SLC6A2: variants seen among roughly 807,000 people sequenced by gnomAD.
SLC6A2 encodes the protein solute carrier family 6 member 2, also known as sodium-dependent noradrenaline transporter.
A neutral mutation model predicts 71.7 loss-of-function variants in SLC6A2; 26 were observed. The observed-to-expected ratio is 0.36, with a 90% confidence interval of 0.27 to 0.50. The LOEUF (loss-of-function observed/expected upper bound fraction) is 0.50. Ranked by LOEUF, SLC6A2 falls within the 20% of genes least tolerant of loss-of-function variation. The probability of loss-of-function intolerance (pLI) is 0.96; values close to 1 mark genes in which losing one functional copy is unlikely to be tolerated. For missense variants in SLC6A2, 581 were observed against 803.9 expected (o/e 0.72, Z 3.35); for synonymous variants, 363 against 337.9 (o/e 1.07, Z -0.82).
chr16:55,666,063 C>T (rs1964741864), intron 2 of SLC6A2, among the ~76,000 whole-genome samples: 1 of 152,220 alleles, frequency 6.6e-6, no homozygotes, highest in Non-Finnish European at 1.5e-5. Context: ...TGGAGACTCC[C>T]AGGCACTGGG....
intron 13 of SLC6A2, 148 bp from the exon 14 acceptor site, chr16:55,701,715 C>T (rs1965976104): frequency 1.4e-6 from 1 of 713,620 alleles, no homozygotes. Flanking sequence ...ACAAACAAAG[C>T]TGGAGGTGTC....
At chr16:55,672,616 G>A (rs1422974535) in intron 4 of SLC6A2, among the ~76,000 whole-genome samples, 2 of 152,202 alleles carry the variant, frequency 1.3e-5, no homozygotes, top group Non-Finnish European at 2.9e-5. Context: ...GAGAAGGGAA[G>A]AGCTGGGGCT....
chr16:55,674,887 C>T (rs1359445854), intron 4 of SLC6A2, among the ~76,000 whole-genome samples: 2 of 152,178 alleles, frequency 1.3e-5, no homozygotes, highest in Non-Finnish European at 2.9e-5. Flanking sequence ...ATTGCTGGGT[C>T]GAATGGTGGT....
At chr16:55,696,468 T>C (rs1435151233) in intron 9 of SLC6A2, 131 bp downstream of exon 9, 12 of 708,298 alleles carry the variant, frequency 1.7e-5, no homozygotes, top group East Asian at 1.3e-4. Context: ...GAAGGCCCTA[T>C]TTAAATGCAG....
At chr16:55,670,958 G>GA (rs1432973279) in intron 3 of SLC6A2, among the ~76,000 whole-genome samples, 3 of 152,242 alleles carry the variant, frequency 2.0e-5, no homozygotes, top group African/African-American at 7.2e-5. Flanking sequence ...ATCTACCCTA[G>GA]AAAAAAGCTA....
intron 13 of SLC6A2, 63 bp downstream of exon 13, chr16:55,700,369 C>T (rs1965936151): frequency 1.4e-6 from 2 of 1,424,452 alleles, no homozygotes; most frequent in Non-Finnish European, 1.9e-6. Context: ...GACGGGACGA[C>T]TCTCATTCCT....
chr16:55,695,296 C>T lies in SLC6A2; in HGVS notation c.1041C>T (p.Ser347=). 1 of 1,614,168 alleles carries T rather than the reference C, an allele frequency of 6.2e-7. No homozygotes were observed. The highest frequency in any genetic ancestry group is 8.5e-7 in the Non-Finnish European group (1 of 1,180,012). ...NNCYRDALLT[S]SINCITSFVS... is the part of the protein sequence containing the mutation. ...CCCCCAGGGATGCCCTGCTGACCAG[C>T]AGCATCAACTGTATCACCAGCTTCG... is the stretch of plus-strand genomic sequence containing the variant. Residue 347 remains serine (S), a synonymous_variant, in exon 8 of 15, where the codon AGC becomes AGT. Transcript: ENST00000568943.
chr16:55,701,944 G>A lies in SLC6A2; in HGVS notation c.1830+10G>A. 6.2e-7 allele frequency: 1 copy of A among 1,607,336 alleles called. No homozygotes were observed. The highest frequency in any genetic ancestry group is 8.5e-7 in the Non-Finnish European group (1 of 1,173,750). On this transcript the variant is annotated intron_variant, in intron 14 of 14. Transcript: ENST00000568943. ...CATCAGACAGTTCCAGGTGGGTGAA[G>A]CCTAGACCCCTGGGGTGGAGATTAC...
chr16:55,685,298 T>C lies in SLC6A2; in HGVS notation c.783+17T>C. On this transcript the variant is annotated intron_variant, in intron 5 of 14. Coordinates refer to ENST00000568943, the MANE Select transcript of SLC6A2 (RefSeq NM_001172501.3). The stretch of plus-strand genomic sequence containing the variant: ...TCAGGAAAGGTAATATCTCTGTGTT[T>C]CTCTTTCACTTACTTGGGTGATCAA... 1 of 1,612,882 alleles carries C rather than the reference T, an allele frequency of 6.2e-7. No individual in the cohort carries two copies. Among genetic ancestry groups the C allele is most frequent in the Non-Finnish European group, 8.5e-7 (1 of 1,178,858 alleles).
chr16:55,682,927 C>T (rs775362638), intron 4 of SLC6A2, among the ~76,000 whole-genome samples: 7 of 152,280 alleles, frequency 4.6e-5, no homozygotes, highest in East Asian at 1.9e-4. Context: ...TCCCATGCTA[C>T]GATACAAGCC....
chr16:55,675,387 G>T, intron 4 of SLC6A2, among the ~76,000 whole-genome samples: 1 of 152,320 alleles, frequency 6.6e-6, no homozygotes, highest in Admixed American at 6.5e-5. Flanking sequence ...AAACTTTTCT[G>T]CTTAAGATCA....
intron 7 of SLC6A2, among the ~76,000 whole-genome samples, chr16:55,694,720 G>A (rs1965740811): frequency 6.6e-6 from 1 of 152,180 alleles, no homozygotes; most frequent in Non-Finnish European, 1.5e-5. Flanking sequence ...TAAGGAAATG[G>A]GGTGATCAGC....
In SLC6A2 at chr16:55,705,217, T is replaced by G. The variant is rs1175115799; in HGVS notation, c.*2871T>G. 8 of 1,535,904 alleles carry G rather than the reference T, an allele frequency of 5.2e-6. No homozygotes were observed. Among genetic ancestry groups the G allele is most frequent in the African/African-American group, 1.4e-5 (1 of 73,148 alleles). ...CCCACCTTTTAGCTTTCATTCTAGA[T>G]GAAAACGAGACAAGGGAGAAGGAGA... is the stretch of plus-strand genomic sequence containing the variant. On this transcript the variant is annotated 3_prime_UTR_variant, in exon 15 of 15. Transcript: ENST00000568943.
At chr16:55,681,343 G>C (rs1388027330) in intron 4 of SLC6A2, among the ~76,000 whole-genome samples, 1 of 152,194 alleles carries the variant, frequency 6.6e-6, no homozygotes, top group African/African-American at 2.4e-5. Flanking sequence ...GCCATCACCT[G>C]CTTCTCCACA....
At chr16:55,683,331 G>A (rs895799878) in intron 4 of SLC6A2, among the ~76,000 whole-genome samples, 1 of 152,140 alleles carries the variant, frequency 6.6e-6, no homozygotes, top group African/African-American at 2.4e-5. Flanking sequence ...AAAAAACCAG[G>A]CCTGGCGCAG....
At chr16:55,700,562 T>C (rs1195682718) in intron 13 of SLC6A2, among the ~76,000 whole-genome samples, 1 of 152,160 alleles carries the variant, frequency 6.6e-6, no homozygotes, top group East Asian at 1.9e-4. Context: ...AGGTGTTCAG[T>C]ACATGTTACT....
intron 5 of SLC6A2, 89 bp downstream of exon 5, chr16:55,685,370 A>G: frequency 7.1e-7 from 1 of 1,406,110 alleles, no homozygotes; most frequent in East Asian, 2.3e-5. Flanking sequence ...TAGCTGGTGG[A>G]CAAAAAAGAT....
intron 14 of SLC6A2, 139 bp downstream of exon 14, chr16:55,702,073 A>G (rs1354744832): frequency 1.3e-6 from 1 of 799,966 alleles, no homozygotes; most frequent in Non-Finnish European, 2.1e-6. Context: ...CCTTGGAAAC[A>G]TCGGGATGGG....
Position 55,702,578 on chromosome 16 carries a change from TTC to T in SLC6A2, c.*234_*235del. 7.0e-7 allele frequency: 1 copy of T among 1,438,330 alleles called. No homozygotes were observed. Among genetic ancestry groups the T allele is most frequent in the East Asian group, 2.6e-5 (1 of 39,018 alleles). The allele number at this position is 1,438,330 out of a possible 1,614,324, so 89.1% of individuals were successfully genotyped here. A position where few individuals can be genotyped will look rare whatever the true frequency, so the allele number is the denominator to read the frequency against. ...GGAGAGGAGCAAACAGGAAAATGAC[TTC>T]TGTTCTGTCCCCGCTGTTTTGGGGG... On this transcript the variant is annotated 3_prime_UTR_variant, in exon 15 of 15. Transcript: ENST00000568943.
Sources: gnomAD v4.1 joint callset for allele counts (sites outside exome capture counted in the v4.1 genomes callset) on GRCh38, gnomAD v4.1.1 for gene constraint, MANE v1.5 for transcripts, NCBI Gene and HGNC (gene_info 2026-07-23, HGNC 2026-07-21) for gene names.